The following TBCD variants were observed in gnomAD, a reference collection of about 807,000 sequenced individuals.
TBCD encodes the protein tubulin-specific chaperone D.
In TBCD, 105 loss-of-function variants were observed where a neutral mutation model predicts 169.3. The observed-to-expected ratio is 0.62, with a 90% CI of 0.53 to 0.73. TBCD has a LOEUF of 0.73. Among genes scored for constraint, TBCD ranks in the 30% least tolerant of loss-of-function variants. The pLI, the probability that TBCD is intolerant of heterozygous loss-of-function variation, is 0.00. For missense variants in TBCD, 1,444 were observed against 1,600.1 expected, an observed-to-expected ratio of 0.90 and a Z score of 1.66; for synonymous variants, 700 against 643.9, an observed-to-expected ratio of 1.09 and a Z score of -1.32.
At chr17:82,912,393 C>T (rs563062951) in intron 23 of TBCD, among the ~76,000 whole-genome samples, 2 of 150,048 alleles carry the variant, frequency 1.3e-5, no homozygotes, top group African/African-American at 2.4e-5. Context: ...AGGAGGGAAG[C>T]GTAGAACACA....
At chr17:82,818,404 C>G (rs1465923775) in intron 13 of TBCD, among the ~76,000 whole-genome samples, 1 of 152,190 alleles carries the variant, frequency 6.6e-6, no homozygotes, top group Non-Finnish European at 1.5e-5. Context: ...TGAGCATTTG[C>G]AGCATGCTTT....
intron 22 of TBCD, among the ~76,000 whole-genome samples, chr17:82,910,999 C>A (rs1198394881): frequency 1.3e-5 from 2 of 152,178 alleles, no homozygotes; most frequent in Non-Finnish European, 2.9e-5. Context: ...TTGGCTGCTC[C>A]CACCAGTTTC....
At chr17:82,897,376 G>C (rs1480788234) in intron 17 of TBCD, among the ~76,000 whole-genome samples, 1 of 151,954 alleles carries the variant, frequency 6.6e-6, no homozygotes, top group Non-Finnish European at 1.5e-5. Context: ...AAATTAGTCG[G>C]GCATGGTGGC....
intron 13 of TBCD, among the ~76,000 whole-genome samples, chr17:82,820,158 A>G (rs2052295211): frequency 1.3e-5 from 2 of 151,906 alleles, no homozygotes; most frequent in African/African-American, 2.4e-5. Flanking sequence ...TTTTATTTTT[A>G]GTAGAGACCA....
At position 82,781,646 on chromosome 17, in the gene TBCD, C is replaced by T; in HGVS notation, c.696C>T (p.Ser232=). Residue 232 remains serine (S), a synonymous_variant, in exon 7 of 39, where the codon AGC becomes AGT. Coordinates refer to ENST00000355528, the MANE Select transcript of TBCD (RefSeq NM_005993.5). The stretch of plus-strand genomic sequence containing the variant: ...AGATGGCTGAGTTCCTGGACTGGAG[C>T]CTGTGCAATCTGGCCCGTTCCTCCT... The part of the protein sequence containing the change: ...QSKMAEFLDW[S]LCNLARSSFQ... 1 of 1,613,808 alleles carries T rather than the reference C, an allele frequency of 6.2e-7. No homozygotes were observed. The highest frequency in any genetic ancestry group is 1.1e-5 in the South Asian group (1 of 91,076).
intron 13 of TBCD, chr17:82,859,825 C>G (rs529976536): frequency 1.0e-6 from 1 of 985,444 alleles, no homozygotes; most frequent in African/African-American, 1.7e-5. Flanking sequence ...CAGAAAGATT[C>G]ATCAGTGGGC....
chr17:82,755,330 T>C lies in TBCD; in HGVS notation c.185-835T>C, dbSNP rs1055601341. On this transcript the variant is annotated intron_variant, in intron 1 of 38. Transcript: ENST00000355528. The stretch of plus-strand genomic sequence containing the variant: ...CAGACTAAAAAGGTACCAGACTTAG[T>C]TAATTTTCTCTTGGATCAGGGAAAA... Among the ~76,000 whole-genome samples, 3 of 152,348 alleles carry C rather than the reference T, an allele frequency of 2.0e-5. No homozygotes were observed. In the South Asian group the frequency reaches 6.2e-4, roughly 32 times the overall value.
rs999740318 is a variant in TBCD at position 82,937,772 on chromosome 17, T to G, written c.3282-277T>G. 2.6e-6 allele frequency: 3 copies of G among 1,174,570 alleles called. No individual in the cohort carries two copies. In the African/African-American group the frequency reaches 4.7e-5, roughly 18 times the overall value. 72.8% of individuals were successfully genotyped at this position (1,174,570 alleles called of 1,614,324 possible). On this transcript the variant is annotated intron_variant, in intron 35 of 38. Transcript: ENST00000355528. ...GCACCTTGGCTGCTCTGTGGCTCCT[T>G]GAGGTGGGGGTCCTCATGGCAGGGC... is the stretch of plus-strand genomic sequence containing the variant.
intron 7 of TBCD, among the ~76,000 whole-genome samples, chr17:82,786,634 C>A (rs2049333581): frequency 6.6e-6 from 1 of 152,044 alleles, no homozygotes; most frequent in Admixed American, 6.5e-5. Flanking sequence ...GTGCCACCTT[C>A]TGGCCAGGCT....
At chr17:82,760,103 AC>A (rs1289005207) in intron 2 of TBCD, among the ~76,000 whole-genome samples, 1 of 151,342 alleles carries the variant, frequency 6.6e-6, no homozygotes, top group Admixed American at 6.6e-5. Flanking sequence ...CGAACTCCTG[AC>A]CTCAAGCAGT....
chr17:82,773,862 G>A (rs376831581), intron 6 of TBCD, among the ~76,000 whole-genome samples: 3 of 151,886 alleles, frequency 2.0e-5, no homozygotes, highest in East Asian at 3.9e-4. Context: ...GAGTAGCTGG[G>A]ACTACAGGTG....
In TBCD at chr17:82,915,798, G is replaced by C. The variant is rs8064687; in HGVS notation, c.2038+4009G>C. 0.48 allele frequency among the ~76,000 whole-genome samples: 72,470 copies of C among 151,938 alleles called. 18,279 individuals are homozygous for C. The highest frequency in any genetic ancestry group is 0.65 in the African/African-American group (26,996 of 41,440). The stretch of plus-strand genomic sequence containing the variant: ...CCGAAGACGGGAGGGAAACCAGAGG[G>C]ACTGGTGAGCCTTGAGTCGGCCACA... On this transcript the variant is annotated intron_variant, in intron 23 of 38. Coordinates refer to ENST00000355528, the MANE Select transcript of TBCD (RefSeq NM_005993.5). The surrounding 1 kb of genome is among the most constrained non-coding windows in gnomAD (Gnocchi z 4.3).
Position 82,884,476 on chromosome 17 carries a change from C to T in TBCD, c.1533+274C>T, listed in dbSNP as rs552203995. On this transcript the variant is annotated intron_variant, in intron 15 of 38. Coordinates refer to ENST00000355528, the MANE Select transcript of TBCD (RefSeq NM_005993.5). The surrounding 1 kb of genome is among the most constrained non-coding windows in gnomAD (Gnocchi z 4.2). ...GTGATGGAGGCGAGTGGGAGGTGCCCGATGACAGGTCTTGGTGCAGGCAGC... is the reference window on the plus strand; with the variant it reads ...GTGATGGAGGCGAGTGGGAGGTGCCTGATGACAGGTCTTGGTGCAGGCAGC... Among the ~76,000 whole-genome samples the T allele has an allele frequency of 6.6e-5, 10 of 152,230 alleles. No individual in the cohort carries two copies. The East Asian group carries it at 9.7e-4, about 15-fold the overall frequency.
At chr17:82,771,215 T>C (rs1299663040) in intron 5 of TBCD, among the ~76,000 whole-genome samples, 2 of 152,034 alleles carry the variant, frequency 1.3e-5, no homozygotes, top group African/African-American at 4.8e-5. Context: ...GTTTCATGCC[T>C]GTAATTCCAG....
At chr17:82,937,129 G>A in intron 34 of TBCD, 142 bp from the exon 35 acceptor site, 1 of 679,232 alleles carries the variant, frequency 1.5e-6, no homozygotes, top group South Asian at 1.8e-5. Flanking sequence ...CAGCGGACTT[G>A]CTGGCAGAGG....
intron 13 of TBCD, among the ~76,000 whole-genome samples, chr17:82,845,406 TGGCCCCTTCCTCTCCATCTTGTCCGGCCC>T (rs1458334322): frequency 4.1e-5 from 5 of 121,220 alleles, no homozygotes; most frequent in East Asian, 2.7e-4. Context: ...CTGTCCAGCT[TGGCCCCTTCCTCTCCATCTTGTCCGGCCC>T]GGCCCCTTCC....
In TBCD at chr17:82,822,877, G is replaced by C. The variant is rs150200466; in HGVS notation, c.1318+7943G>C. ...TGGATTGATGAGTTCACACAGGAGG[G>C]AGTGAGAGATGAGGAAGGTGAATGG... is the stretch of plus-strand genomic sequence containing the variant. On this transcript the variant is annotated intron_variant, in intron 13 of 38. Coordinates refer to ENST00000355528, the MANE Select transcript of TBCD (RefSeq NM_005993.5). 1.4e-3 allele frequency among the ~76,000 whole-genome samples: 218 copies of C among 152,308 alleles called. 10 individuals are homozygous for C. The East Asian group carries it at 0.035, about 25-fold the overall frequency.
chr17:82,911,663 C>T lies in TBCD; in HGVS notation c.2007-95C>T, dbSNP rs552058222. ...CATTCAACTAGTTCTCATTTTAATGCTTTTTGGAGCCTGAGGTTACATTGG... is the reference window on the plus strand; with the variant it reads ...CATTCAACTAGTTCTCATTTTAATGTTTTTTGGAGCCTGAGGTTACATTGG... On this transcript the variant is annotated intron_variant, in intron 22 of 38. Coordinates refer to ENST00000355528, the MANE Select transcript of TBCD (RefSeq NM_005993.5). 6.3e-6 allele frequency: 8 copies of T among 1,261,434 alleles called. No individual in the cohort carries two copies. In the Admixed American group the frequency reaches 1.6e-4, roughly 25 times the overall value. The allele number at this position is 1,261,434 out of a possible 1,614,324, so 78.1% of individuals were successfully genotyped here.
At chr17:82,882,278 T>G (rs2058410181) in intron 14 of TBCD, among the ~76,000 whole-genome samples, 1 of 152,170 alleles carries the variant, frequency 6.6e-6, no homozygotes, top group Non-Finnish European at 1.5e-5. Context: ...TTCTCCTGCC[T>G]CCTTCAGTCT....
Sources: allele counts gnomAD v4.1 joint callset (sites outside exome capture counted in the v4.1 genomes callset), GRCh38; gene constraint gnomAD v4.1.1; non-coding constraint Gnocchi (gnomAD v3.1); transcripts MANE v1.5; gene names NCBI Gene and HGNC (gene_info 2026-07-23, HGNC 2026-07-21).